Variants in PPARGC1A observed in about 807,000 individuals in gnomAD.
PPARGC1A encodes the protein peroxisome proliferator-activated receptor gamma coactivator 1-alpha.
Under a neutral mutation model 88.7 loss-of-function variants are expected in PPARGC1A, and 25 were observed. The observed-to-expected ratio is 0.28, with a 90% CI of 0.21 to 0.39. PPARGC1A has a LOEUF of 0.39. PPARGC1A is among the 10% of genes least tolerant of loss of function. PPARGC1A has a pLI of 1.00. For synonymous variants in PPARGC1A, 363 were observed against 355.6 expected, an observed-to-expected ratio of 1.02 and a Z score of -0.24; for missense variants, 880 against 968.7, an observed-to-expected ratio of 0.91 and a Z score of 1.22.
chr4:24,240,977 G>C, the PPARGC1A span, among the ~76,000 whole-genome samples: 1 of 152,170 alleles, frequency 6.6e-6, no homozygotes, highest in Non-Finnish European at 1.5e-5. Flanking sequence ...GAGGATACAA[G>C]AGAAACTCTG....
the PPARGC1A span, among the ~76,000 whole-genome samples, chr4:24,368,850 G>A: frequency 3.1e-3 from 471 of 152,250 alleles, 6 homozygotes; most frequent in African/African-American, 0.011. Flanking sequence ...GAGAGTGAAC[G>A]GGAGGGAGAT....
At chr4:24,335,480 C>T in the PPARGC1A span, among the ~76,000 whole-genome samples, 1 of 152,108 alleles carries the variant, frequency 6.6e-6, no homozygotes, top group Non-Finnish European at 1.5e-5. Context: ...GGGTTCCTTC[C>T]ACAAATATCA....
chr4:23,982,518 G>A, the PPARGC1A span, among the ~76,000 whole-genome samples: 3 of 152,136 alleles, frequency 2.0e-5, no homozygotes, highest in Non-Finnish European at 2.9e-5. Flanking sequence ...TCCACTACAA[G>A]AAAGGCAAGG....
At chr4:24,194,662 A>C in the PPARGC1A span, among the ~76,000 whole-genome samples, 6 of 84,222 alleles carry the variant, frequency 7.1e-5, no homozygotes, top group Admixed American at 1.8e-4. Flanking sequence ...ACACACACAC[A>C]CACACACCCC....
At chr4:24,364,199 T>C in the PPARGC1A span, among the ~76,000 whole-genome samples, 1 of 150,322 alleles carries the variant, frequency 6.7e-6, no homozygotes, top group African/African-American at 2.5e-5. Context: ...CCAATGACTC[T>C]AAAGTGTTTT....
chr4:23,877,004 G>A (rs1259016945), intron 2 of PPARGC1A, among the ~76,000 whole-genome samples: 1 of 152,066 alleles, frequency 6.6e-6, no homozygotes, highest in Non-Finnish European at 1.5e-5. Context: ...CATCATTTTG[G>A]AAAAGAAAAG....
chr4:23,978,709 T>G, the PPARGC1A span, among the ~76,000 whole-genome samples: 1 of 152,104 alleles, frequency 6.6e-6, no homozygotes, highest in Non-Finnish European at 1.5e-5. Flanking sequence ...AACATTCACA[T>G]CAAATGGGGC....
chr4:24,422,646 C>G, the PPARGC1A span, among the ~76,000 whole-genome samples: 1 of 145,544 alleles, frequency 6.9e-6, no homozygotes, highest in Non-Finnish European at 1.5e-5. Flanking sequence ...AAAAAAAAAG[C>G]TATTTGCTCA....
intron 12 of PPARGC1A, among the ~76,000 whole-genome samples, chr4:23,797,223 ATAGCATCT>A (rs1190314068): frequency 6.6e-6 from 1 of 152,124 alleles, no homozygotes; most frequent in African/African-American, 2.4e-5. Flanking sequence ...TCTTTCCTCA[ATAGCATCT>A]TAAATAGTCA....
At chr4:23,978,478 A>G in the PPARGC1A span, among the ~76,000 whole-genome samples, 1 of 152,222 alleles carries the variant, frequency 6.6e-6, no homozygotes, top group East Asian at 1.9e-4. Context: ...CTTCTGAATC[A>G]AAGGCTGTTT....
the PPARGC1A span, among the ~76,000 whole-genome samples, chr4:24,471,322 CCA>C: frequency 6.6e-6 from 1 of 151,380 alleles, no homozygotes; most frequent in African/African-American, 2.4e-5. The surrounding 1 kb of genome is among the most constrained non-coding windows in gnomAD (Gnocchi z 5.4). Context: ...GCGCGCACAC[CCA>C]CACACAGACA....
chr4:23,945,288 A>G, the PPARGC1A span, among the ~76,000 whole-genome samples: 1 of 152,154 alleles, frequency 6.6e-6, no homozygotes. Context: ...GGTACCAAAA[A>G]TATATTATAC....
chr4:24,124,769 G>A, the PPARGC1A span, among the ~76,000 whole-genome samples: 1 of 152,140 alleles, frequency 6.6e-6, no homozygotes, highest in African/African-American at 2.4e-5. Context: ...ACTGTCCACT[G>A]TGGCTGTGAG....
At chr4:23,965,581 A>G in the PPARGC1A span, among the ~76,000 whole-genome samples, 63 of 152,362 alleles carry the variant, frequency 4.1e-4, no homozygotes, top group Non-Finnish European at 7.8e-4. Flanking sequence ...AGCAAATGAT[A>G]TTATACAGAC....
chr4:24,130,426 A>G, the PPARGC1A span, among the ~76,000 whole-genome samples: 1 of 152,190 alleles, frequency 6.6e-6, no homozygotes, highest in Non-Finnish European at 1.5e-5. Flanking sequence ...TCTCCAGCCC[A>G]TCACACTTTC....
the PPARGC1A span, among the ~76,000 whole-genome samples, chr4:24,150,739 G>A: frequency 6.6e-6 from 1 of 152,206 alleles, no homozygotes; most frequent in Non-Finnish European, 1.5e-5. Context: ...CTGGTGCCAG[G>A]AAAGGTGCAC....
the PPARGC1A span, among the ~76,000 whole-genome samples, chr4:24,280,822 C>A: frequency 6.6e-6 from 1 of 152,298 alleles, no homozygotes. Flanking sequence ...TGTTCCTCGT[C>A]TTTGGCATTC....
chr4:24,119,280 G>C, the PPARGC1A span, among the ~76,000 whole-genome samples: 2 of 152,140 alleles, frequency 1.3e-5, no homozygotes, highest in African/African-American at 2.4e-5. Flanking sequence ...ATCAAGCCCA[G>C]AGCAGGATCC....
At chr4:24,053,030 AT>A in the PPARGC1A span, among the ~76,000 whole-genome samples, 230 of 140,666 alleles carry the variant, frequency 1.6e-3, no homozygotes, top group Non-Finnish European at 1.5e-3. Context: ...CACCCGGCTA[AT>A]TTTTTTTTTT....
Sources: gnomAD v4.1 joint callset for allele counts (sites outside exome capture counted in the v4.1 genomes callset) on GRCh38, gnomAD v4.1.1 for gene constraint, Gnocchi (gnomAD v3.1) non-coding constraint, MANE v1.5 for transcripts, NCBI Gene and HGNC (gene_info 2026-07-23, HGNC 2026-07-21) for gene names.